The following MCM5 variants were observed in gnomAD, a reference collection of about 807,000 sequenced individuals.
MCM5 encodes DNA replication licensing factor MCM5.
MCM5 carries 46 observed loss-of-function variants against 79.9 expected under a neutral mutation model. The ratio of observed to expected loss-of-function variants is 0.58; its 90% CI spans 0.45 to 0.74. MCM5 has a LOEUF of 0.74. Ranked by LOEUF, MCM5 falls within the 30% of genes least tolerant of loss-of-function variation. The probability of loss-of-function intolerance (pLI) is 0.00; values close to 1 mark genes in which losing one functional copy is unlikely to be tolerated. For missense variants in MCM5, 883 were observed against 1,017.0 expected (o/e 0.87, Z 1.79); for synonymous variants, 404 against 390.5 (o/e 1.03, Z -0.41).
the MCM5 span, among the ~76,000 whole-genome samples, chr22:35,431,653 C>T: frequency 6.6e-6 from 1 of 152,098 alleles, no homozygotes; most frequent in African/African-American, 2.4e-5. Flanking sequence ...GTCTCTGGAA[C>T]CCATCAGCTT....
At chr22:35,421,138 A>G (rs1932681772) in intron 14 of MCM5, among the ~76,000 whole-genome samples, 180 bp from the exon 15 acceptor site, 1 of 151,780 alleles carries the variant, frequency 6.6e-6, no homozygotes, top group African/African-American at 2.4e-5. Context: ...AAAAAAAAAA[A>G]AAAAAAAAAA....
At chr22:35,444,022 C>T in the MCM5 span, among the ~76,000 whole-genome samples, 1 of 152,120 alleles carries the variant, frequency 6.6e-6, no homozygotes, top group Non-Finnish European at 1.5e-5. Context: ...TTTGTCATGG[C>T]TTTGATGATT....
chr22:35,447,347 G>C, the MCM5 span, among the ~76,000 whole-genome samples: 120,348 of 151,972 alleles, frequency 0.79, 48,256 homozygotes, highest in African/African-American at 0.88. Flanking sequence ...TTCTGGGTTT[G>C]AGTGACACAT....
chr22:35,410,584 G>A (rs934617951), intron 6 of MCM5, 160 bp from the exon 7 acceptor site: 36 of 703,332 alleles, frequency 5.1e-5, no homozygotes, highest in African/African-American at 1.9e-4. Flanking sequence ...GAGAGAGGCC[G>A]TTCTCTGGGC....
chr22:35,415,030 C>A (rs1932501543), intron 9 of MCM5, among the ~76,000 whole-genome samples: 1 of 152,078 alleles, frequency 6.6e-6, no homozygotes, highest in Admixed American at 6.5e-5. Flanking sequence ...GCACATGCGA[C>A]CCATGTATGT....
At chr22:35,431,189 G>C in the MCM5 span, among the ~76,000 whole-genome samples, 7 of 152,216 alleles carry the variant, frequency 4.6e-5, no homozygotes, top group Non-Finnish European at 8.8e-5. Flanking sequence ...CACTGGCTTT[G>C]TTTGGACAAA....
the MCM5 span, among the ~76,000 whole-genome samples, chr22:35,451,484 A>G: frequency 6.6e-6 from 1 of 152,186 alleles, no homozygotes; most frequent in Non-Finnish European, 1.5e-5. Flanking sequence ...TCTGACAATT[A>G]TTGATCTGCC....
At position 35,415,866 on chromosome 22, in the gene MCM5, T is replaced by G. The variant is rs1932524674; in HGVS notation, c.1241T>G (p.Leu414Arg). Residue 414 changes from leucine (L) to arginine (R), a missense_variant, in exon 10 of 17, where the codon CTG becomes CGG. Leu to Arg is a moderately radical substitution (Grantham distance 102). Coordinates refer to ENST00000216122, the MANE Select transcript of MCM5 (RefSeq NM_006739.4). ...GGGAAAGGCAGCAGCGCAGCTGGAC[T>G]GACAGCCTCGGTGATGAGGGACCCT... Reference protein sequence around the residue: ...TSGKGSSAAGLTASVMRDPSS... With the variant: ...TSGKGSSAAGRTASVMRDPSS... 1 of 1,613,880 alleles carries G rather than the reference T, an allele frequency of 6.2e-7. No homozygotes were observed. Among genetic ancestry groups the G allele is most frequent in the Non-Finnish European group, 8.5e-7 (1 of 1,180,036 alleles).
At chr22:35,405,760 A>G (rs866675672) in intron 4 of MCM5, among the ~76,000 whole-genome samples, 1 of 152,046 alleles carries the variant, frequency 6.6e-6, no homozygotes, top group African/African-American at 2.4e-5. Flanking sequence ...CTGTAATCCC[A>G]GCATTTTGGG....
downstream of MCM5, among the ~76,000 whole-genome samples, chr22:35,427,874 G>A (rs1932788056): frequency 6.6e-6 from 1 of 151,980 alleles, no homozygotes; most frequent in African/African-American, 2.4e-5. Flanking sequence ...AAGCACAGTG[G>A]TTAAGAACAT....
chr22:35,440,346 G>A, the MCM5 span, among the ~76,000 whole-genome samples: 5 of 152,326 alleles, frequency 3.3e-5, no homozygotes, highest in South Asian at 1.0e-3. Context: ...GGCCAGCCAC[G>A]TTATTTCTCT....
the MCM5 span, among the ~76,000 whole-genome samples, chr22:35,445,325 CTTTTTTTTTT>C: frequency 4.8e-5 from 4 of 83,638 alleles, no homozygotes; most frequent in South Asian, 8.7e-4. Flanking sequence ...TTTGACTATG[CTTTTTTTTTT>C]TTTTTTTTTT....
the MCM5 span, among the ~76,000 whole-genome samples, chr22:35,444,781 A>G: frequency 6.6e-6 from 1 of 152,162 alleles, no homozygotes. Context: ...TGGGAGGCGG[A>G]GGTGGGAGGA....
At chr22:35,422,139 A>G (rs762879417) in intron 15 of MCM5, 3 of 156,608 alleles carry the variant, frequency 1.9e-5, no homozygotes, top group Non-Finnish European at 2.8e-5. Flanking sequence ...AGAGCAATCA[A>G]TCACAGGGTC....
chr22:35,409,262 G>A (rs1465796059), intron 6 of MCM5, among the ~76,000 whole-genome samples: 3 of 151,742 alleles, frequency 2.0e-5, no homozygotes, highest in Non-Finnish European at 2.9e-5. Flanking sequence ...TGCGCCCAGC[G>A]TACCCCAGGC....
the MCM5 span, among the ~76,000 whole-genome samples, chr22:35,435,535 ACT>A: frequency 6.6e-6 from 1 of 151,930 alleles, no homozygotes; most frequent in African/African-American, 2.4e-5. Context: ...TGGTGACCAG[ACT>A]CTCGGGGAGT....
intron 7 of MCM5, 35 bp from the exon 8 acceptor site, chr22:35,412,475 T>C: frequency 6.7e-7 from 1 of 1,487,626 alleles, no homozygotes; most frequent in Middle Eastern, 2.3e-4. Flanking sequence ...AAGAGCTCCC[T>C]TGTACTCACT....
downstream of MCM5, among the ~76,000 whole-genome samples, chr22:35,427,177 C>A (rs1022249497): frequency 6.6e-6 from 1 of 152,174 alleles, no homozygotes; most frequent in Admixed American, 6.5e-5. Context: ...CCACCAGATC[C>A]AAAGTCACAG....
the MCM5 span, among the ~76,000 whole-genome samples, chr22:35,431,671 G>A: frequency 6.6e-6 from 1 of 152,040 alleles, no homozygotes; most frequent in Non-Finnish European, 1.5e-5. Context: ...CTTCTAGCAC[G>A]CAGCCCTAAG....
Sources: allele counts gnomAD v4.1 joint callset (sites outside exome capture counted in the v4.1 genomes callset), GRCh38; gene constraint gnomAD v4.1.1; transcripts MANE v1.5; gene names NCBI Gene and HGNC (gene_info 2026-07-23, HGNC 2026-07-21).